Variants in FADS1 observed in about 807,000 individuals in gnomAD.
The protein encoded by FADS1 is acyl-CoA (8-3)-desaturase.
Under a neutral mutation model 61.6 loss-of-function variants are expected in FADS1, and 17 were observed. That is an observed-to-expected ratio of 0.28 (90% CI 0.19 to 0.41). FADS1 has a LOEUF of 0.41. Ranked by LOEUF, FADS1 falls within the 10% of genes least tolerant of loss-of-function variation. The pLI is 1.00. For synonymous variants in FADS1, 238 were observed against 258.7 expected, an observed-to-expected ratio of 0.92 and a Z score of 0.77; for missense variants, 387 against 650.9, an observed-to-expected ratio of 0.59 and a Z score of 4.41.
rs1324787768 is a variant in FADS1 at position 61,816,277 on chromosome 11, G to A, written c.375+278C>T. The A allele has an allele frequency of 2.5e-6, 4 of 1,598,192 alleles. No individual in the cohort carries two copies. The highest frequency in any genetic ancestry group is 2.7e-5 in the African/African-American group (2 of 74,902). On this transcript the variant is annotated intron_variant, in intron 1 of 11. Transcript: ENST00000350997. The surrounding 1 kb of genome is among the most constrained non-coding windows in gnomAD (Gnocchi z 7.0). The stretch of plus-strand genomic sequence containing the variant: ...GCCCAGAGACCTGAGGCTCGGGGCT[G>A]CAGATGGAATGCACGGCAGGGAGGC...
intron 1 of FADS1, chr11:61,813,713 C>T (rs2066948821): frequency 5.1e-6 from 1 of 194,282 alleles, no homozygotes. Context: ...CGCCTGTAAT[C>T]CCAGCACTTT....
rs2066974679 is a variant in FADS1 at position 61,815,651 on chromosome 11, C to T, written c.375+904G>A. ...GGACTGAGTCCCCAGGACTCCAACC[C>T]AGCAGAGAGGCGCCGGGGCCTTAGC... is the stretch of plus-strand genomic sequence containing the variant. On this transcript the variant is annotated intron_variant, in intron 1 of 11. Coordinates refer to ENST00000350997, the MANE Select transcript of FADS1 (RefSeq NM_013402.7). This position sits in a 1 kb window ranked among gnomAD's most constrained non-coding sequence, Gnocchi z 6.4. The T allele has an allele frequency of 6.5e-6, 1 of 153,626 alleles. No homozygotes were observed. Among genetic ancestry groups the T allele is most frequent in the Admixed American group, 6.4e-5 (1 of 15,572 alleles). 9.5% of individuals were successfully genotyped at this position (153,626 alleles called of 1,614,324 possible). A position where few individuals can be genotyped will look rare whatever the true frequency, so the allele number is the denominator to read the frequency against.
At chr11:61,804,356 AC>A in intron 7 of FADS1, 1 of 303,578 alleles carries the variant, frequency 3.3e-6, no homozygotes, top group Admixed American at 4.7e-5. Context: ...CTGATTAATA[AC>A]CACATTCTGC....
At chr11:61,808,876 T>C (rs914947636) in intron 5 of FADS1, among the ~76,000 whole-genome samples, 1 of 152,226 alleles carries the variant, frequency 6.6e-6, no homozygotes. Flanking sequence ...ACTGAGGTTA[T>C]ATCTGTGATT....
At position 61,803,902 on chromosome 11, in the gene FADS1, A is replaced by G. The variant is rs1591149867; in HGVS notation, c.1054-135T>C. 3.0e-6 allele frequency: 2 copies of G among 676,364 alleles called. No individual in the cohort carries two copies. Among genetic ancestry groups the G allele is most frequent in the Non-Finnish European group, 5.3e-6 (2 of 378,784 alleles). 41.9% of individuals were successfully genotyped at this position (676,364 alleles called of 1,614,324 possible). A position where few individuals can be genotyped will look rare whatever the true frequency, so the allele number is the denominator to read the frequency against. On this transcript the variant is annotated intron_variant, in intron 7 of 11. Transcript: ENST00000350997. The surrounding 1 kb of genome is among the most constrained non-coding windows in gnomAD (Gnocchi z 4.3). ...TCATCTTCAGCTTCTCAGGGGTCCAATCCTGCAGTATCTAGTGCCACTGCT... is the reference window on the plus strand; with the variant it reads ...TCATCTTCAGCTTCTCAGGGGTCCAGTCCTGCAGTATCTAGTGCCACTGCT...
In FADS1 at chr11:61,801,681, A is replaced by G. The variant is rs1221570413; in HGVS notation, c.*730T>C. The G allele has an allele frequency of 1.3e-5, 2 of 152,622 alleles. No homozygotes were observed. The highest frequency in any genetic ancestry group is 1.5e-5 in the Non-Finnish European group (1 of 68,134). 9.5% of individuals were successfully genotyped at this position (152,622 alleles called of 1,614,324 possible). A position where few individuals can be genotyped will look rare whatever the true frequency, so the allele number is the denominator to read the frequency against. On this transcript the variant is annotated 3_prime_UTR_variant, in exon 12 of 12. Coordinates refer to ENST00000350997, the MANE Select transcript of FADS1 (RefSeq NM_013402.7). ...CAGCAGCCTAAGGCAGACATAGGTC[A>G]TACCTATCCCTGGGCAGCGAGCTGA...
Position 61,803,642 on chromosome 11 carries a change from G to C in FADS1, c.1151+28C>G, listed in dbSNP as rs771407746. ...TCACTCCCCAACATTTCCTTCACCA[G>C]TCCCTATCCGCCCCCACCGAATACT... On this transcript the variant is annotated intron_variant, in intron 8 of 11. Transcript: ENST00000350997. This position sits in a 1 kb window ranked among gnomAD's most constrained non-coding sequence, Gnocchi z 4.3. 1 of 1,566,302 alleles carries C rather than the reference G, an allele frequency of 6.4e-7. No homozygotes were observed. The highest frequency in any genetic ancestry group is 2.2e-5 in the East Asian group (1 of 44,656).
At chr11:61,811,308 G>T (rs949712979) in intron 3 of FADS1, among the ~76,000 whole-genome samples, 10 of 151,992 alleles carry the variant, frequency 6.6e-5, no homozygotes, top group Non-Finnish European at 1.3e-4. Flanking sequence ...CGAAGCTCAT[G>T]ACTTTTTTTT....
At position 61,803,328 on chromosome 11, in the gene FADS1, G is replaced by C; in HGVS notation, c.1248+35C>G. 1 of 1,537,474 alleles carries C rather than the reference G, an allele frequency of 6.5e-7. No individual in the cohort carries two copies. Among genetic ancestry groups the C allele is most frequent in the Non-Finnish European group, 9.0e-7 (1 of 1,110,138 alleles). Reference sequence around the variant, plus strand: ...CCTACGCATCCTTTTCAATAGTTGTGTTATGCTCCAGTCTTCTGAGTGACT... The same window carrying C: ...CCTACGCATCCTTTTCAATAGTTGTCTTATGCTCCAGTCTTCTGAGTGACT... On this transcript the variant is annotated intron_variant, in intron 9 of 11. Transcript: ENST00000350997. This position sits in a 1 kb window ranked among gnomAD's most constrained non-coding sequence, Gnocchi z 4.3.
At chr11:61,811,702 G>C (rs926777067) in intron 3 of FADS1, 7 of 285,966 alleles carry the variant, frequency 2.4e-5, no homozygotes, top group Non-Finnish European at 4.9e-5. Context: ...CAATTCTCCT[G>C]CCTCAGCCTC....
rs2066843800 is a variant in FADS1 at position 61,800,031 on chromosome 11, T to A, written c.*2380A>T. 1 of 152,800 alleles carries A rather than the reference T, an allele frequency of 6.5e-6. No individual in the cohort carries two copies. 9.5% of individuals were successfully genotyped at this position (152,800 alleles called of 1,614,324 possible). A position where few individuals can be genotyped will look rare whatever the true frequency, so the allele number is the denominator to read the frequency against. ...TGGTCTTGGCTCAATAGAGCCTCACTGGTGTTTGCTCAGATTGGGCAGCCT... is the reference window on the plus strand; with the variant it reads ...TGGTCTTGGCTCAATAGAGCCTCACAGGTGTTTGCTCAGATTGGGCAGCCT... On this transcript the variant is annotated 3_prime_UTR_variant, in exon 12 of 12. Transcript: ENST00000350997.
intron 7 of FADS1, 57 bp downstream of exon 7, chr11:61,804,628 C>T (rs1379873012): frequency 1.4e-6 from 2 of 1,450,562 alleles, no homozygotes; most frequent in East Asian, 2.3e-5. Context: ...GAACCCCTAT[C>T]CCCCACTCTG....
intron 3 of FADS1, 27 bp downstream of exon 3, chr11:61,812,444 T>C: frequency 6.2e-7 from 1 of 1,609,102 alleles, no homozygotes; most frequent in Non-Finnish European, 8.5e-7. Context: ...AGCATTGCTG[T>C]GCACTTGACA....
chr11:61,811,124 G>A lies in FADS1; in HGVS notation c.685-49C>T, dbSNP rs567220138. On this transcript the variant is annotated intron_variant, in intron 3 of 11. Transcript: ENST00000350997. ...AGAGCAGCCCACCAGCCCCAGTGTC[G>A]CCTTCACTGACCTCGATGCCTCCTT... 2.1e-4 allele frequency: 292 copies of A among 1,420,434 alleles called. 2 individuals carry two copies. The East Asian group carries it at 4.3e-3, about 21-fold the overall frequency. The allele number at this position is 1,420,434 out of a possible 1,614,324, so 88.0% of individuals were successfully genotyped here.
intron 2 of FADS1, 73 bp downstream of exon 2, chr11:61,813,170 A>G: frequency 1.1e-6 from 1 of 900,416 alleles, no homozygotes; most frequent in Non-Finnish European, 1.9e-6. Context: ...GATCCCATCT[A>G]GACTCTCCTT....
chr11:61,811,239 C>T (rs2135938961), intron 3 of FADS1, among the ~76,000 whole-genome samples, 164 bp from the exon 4 acceptor site: 1 of 152,344 alleles, frequency 6.6e-6, no homozygotes, highest in South Asian at 2.1e-4. Context: ...CTGCCACTGA[C>T]TCACACGTGA....
At position 61,802,784 on chromosome 11, in the gene FADS1, T is replaced by C; in HGVS notation, c.1454+17A>G. ...CTTCCCTCCCTACTAGCCATCTTCC[T>C]GGTCTCAGATACTCACTGGATGATG... On this transcript the variant is annotated intron_variant, in intron 11 of 11. Coordinates refer to ENST00000350997, the MANE Select transcript of FADS1 (RefSeq NM_013402.7). This position sits in a 1 kb window ranked among gnomAD's most constrained non-coding sequence, Gnocchi z 4.2. 2 of 1,614,082 alleles carry C rather than the reference T, an allele frequency of 1.2e-6. No homozygotes were observed. Among genetic ancestry groups the C allele is most frequent in the Non-Finnish European group, 1.7e-6 (2 of 1,180,012 alleles).
Position 61,803,195 on chromosome 11 carries a change from A to G in FADS1, c.1249-84T>C. The G allele has an allele frequency of 7.2e-7, 1 of 1,392,094 alleles. No individual in the cohort carries two copies. Among genetic ancestry groups the G allele is most frequent in the Non-Finnish European group, 1.0e-6 (1 of 982,400 alleles). The allele number at this position is 1,392,094 out of a possible 1,614,324, so 86.2% of individuals were successfully genotyped here. A position where few individuals can be genotyped will look rare whatever the true frequency, so the allele number is the denominator to read the frequency against. ...ATTCTCCAGGTAAAGCTGGCTGAGG[A>G]AGGGACATGAGACTGTCTTGGTCAC... On this transcript the variant is annotated intron_variant, in intron 9 of 11. Coordinates refer to ENST00000350997, the MANE Select transcript of FADS1 (RefSeq NM_013402.7). This position sits in a 1 kb window ranked among gnomAD's most constrained non-coding sequence, Gnocchi z 4.3.
At position 61,802,781 on chromosome 11, in the gene FADS1, TC is replaced by T. The variant is rs2066865634; in HGVS notation, c.1454+19del. ...CCTCTTCCCTCCCTACTAGCCATCT[TC>T]CTGGTCTCAGATACTCACTGGATGA... On this transcript the variant is annotated intron_variant, in intron 11 of 11. Coordinates refer to ENST00000350997, the MANE Select transcript of FADS1 (RefSeq NM_013402.7). This position sits in a 1 kb window ranked among gnomAD's most constrained non-coding sequence, Gnocchi z 4.2. 6.2e-7 allele frequency: 1 copy of T among 1,613,940 alleles called. No homozygotes were observed. Among genetic ancestry groups the T allele is most frequent in the Admixed American group, 1.7e-5 (1 of 60,006 alleles).
Sources: allele counts gnomAD v4.1 joint callset (sites outside exome capture counted in the v4.1 genomes callset), GRCh38; gene constraint gnomAD v4.1.1; non-coding constraint Gnocchi (gnomAD v3.1); transcripts MANE v1.5; gene names NCBI Gene and HGNC (gene_info 2026-07-23, HGNC 2026-07-21).